Variants in ZNF804B observed in about 807,000 individuals in gnomAD.
ZNF804B encodes the protein zinc finger 804B.
Under a neutral mutation model 101.4 loss-of-function variants are expected in ZNF804B, and 80 were observed. The observed-to-expected ratio is 0.79, with a 90% CI of 0.66 to 0.95. The LOEUF (loss-of-function observed/expected upper bound fraction) is 0.95, where lower values mean the gene tolerates loss of function less well. ZNF804B is among the 40% of genes least tolerant of loss of function. The pLI is 0.00. For synonymous variants in ZNF804B, 622 were observed against 558.8 expected (o/e 1.11, Z -1.59); for missense variants, 1,673 against 1,561.9 (o/e 1.07, Z -1.20).
At chr7:89,129,311 T>C (rs1378411031) in intron 1 of ZNF804B, among the ~76,000 whole-genome samples, 2 of 152,054 alleles carry the variant, frequency 1.3e-5, no homozygotes, top group African/African-American at 4.8e-5. Flanking sequence ...GAATAATATA[T>C]CATCATATTT....
intron 1 of ZNF804B, among the ~76,000 whole-genome samples, chr7:89,187,861 T>C (rs1788396816): frequency 6.6e-6 from 1 of 152,122 alleles, no homozygotes; most frequent in African/African-American, 2.4e-5. Context: ...AACTTGTCAA[T>C]TAACCAAACC....
chr7:89,246,829 A>T lies in ZNF804B; in HGVS notation c.249+28534A>T, dbSNP rs1049596420. On this transcript the variant is annotated intron_variant, in intron 2 of 3. Transcript: ENST00000333190. ...CTTAGGCATATCTCCAGATATTAAA[A>T]GCATATACTTGAGCAGATTGGCAAC... is the stretch of plus-strand genomic sequence containing the variant. Among the ~76,000 whole-genome samples the T allele has an allele frequency of 3.3e-5, 5 of 152,090 alleles. No homozygotes were observed. In the East Asian group the frequency reaches 7.7e-4, roughly 24 times the overall value.
intron 1 of ZNF804B, among the ~76,000 whole-genome samples, chr7:89,052,372 G>T (rs558548036): frequency 6.6e-6 from 1 of 152,024 alleles, no homozygotes. Context: ...TAAATAACTA[G>T]TAAATTACAG....
chr7:88,797,085 T>C (rs1264045107), intron 1 of ZNF804B, among the ~76,000 whole-genome samples: 2 of 152,152 alleles, frequency 1.3e-5, no homozygotes, highest in Non-Finnish European at 2.9e-5. Flanking sequence ...TTATTAAACA[T>C]GTTTCCCTTT....
chr7:89,266,869 GTC>G (rs774848110), intron 2 of ZNF804B, among the ~76,000 whole-genome samples: 77 of 148,758 alleles, frequency 5.2e-4, no homozygotes, highest in South Asian at 1.9e-3. Context: ...ATGTTTGTGT[GTC>G]TGTGTTTGTG....
chr7:88,832,445 G>A (rs73705545), intron 1 of ZNF804B, among the ~76,000 whole-genome samples: 2,123 of 151,986 alleles, frequency 0.014, 50 homozygotes, highest in African/African-American at 0.048. Flanking sequence ...GATGCGCATG[G>A]CTTGTTCTTA....
At chr7:88,873,785 T>A (rs1791878750) in intron 1 of ZNF804B, among the ~76,000 whole-genome samples, 1 of 152,188 alleles carries the variant, frequency 6.6e-6, no homozygotes, top group Admixed American at 6.5e-5. Flanking sequence ...GTCATAGATA[T>A]GCGGCATTAT....
Position 89,257,207 on chromosome 7 carries a change from C to G in ZNF804B, c.249+38912C>G, listed in dbSNP as rs531746638. Among the ~76,000 whole-genome samples, 101 of 152,154 alleles carry G rather than the reference C, an allele frequency of 6.6e-4. 1 individual carries two copies. Among genetic ancestry groups the G allele is most frequent in the Middle Eastern group, 3.4e-3 (1 of 294 alleles). On this transcript the variant is annotated intron_variant, in intron 2 of 3. Transcript: ENST00000333190. ...TTCTCCTGTAGCTGGAGAAGTGTCC[C>G]TCAGTTTTGTAGTGACTAAATACTG...
intron 1 of ZNF804B, among the ~76,000 whole-genome samples, chr7:89,067,155 A>G (rs1042777041): frequency 6.6e-6 from 1 of 152,120 alleles, no homozygotes; most frequent in Admixed American, 6.6e-5. Flanking sequence ...ACCTACCTAT[A>G]AAGAAACATG....
intron 1 of ZNF804B, among the ~76,000 whole-genome samples, chr7:88,893,889 G>A (rs1381117960): frequency 2.0e-5 from 3 of 152,116 alleles, no homozygotes; most frequent in Non-Finnish European, 4.4e-5. Context: ...TTAACTTAAT[G>A]TGGAAAAAGG....
intron 1 of ZNF804B, among the ~76,000 whole-genome samples, chr7:88,762,212 T>C (rs767549742): frequency 1.3e-5 from 2 of 152,246 alleles, no homozygotes; most frequent in Non-Finnish European, 2.9e-5. Context: ...ATGTACTTTC[T>C]CAACACTATT....
intron 2 of ZNF804B, among the ~76,000 whole-genome samples, chr7:89,308,711 G>A (rs1790603703): frequency 6.6e-6 from 1 of 152,094 alleles, no homozygotes; most frequent in South Asian, 2.1e-4. Context: ...TCTACCCATT[G>A]TTGGCAAACA....
intron 1 of ZNF804B, among the ~76,000 whole-genome samples, chr7:89,085,617 T>G (rs943604075): frequency 7.9e-5 from 12 of 151,898 alleles, no homozygotes; most frequent in Non-Finnish European, 1.2e-4. Flanking sequence ...TCAAATGACC[T>G]CATTCCATAT....
chr7:89,106,873 A>G (rs940151960), intron 1 of ZNF804B, among the ~76,000 whole-genome samples: 2 of 152,142 alleles, frequency 1.3e-5, no homozygotes, highest in African/African-American at 2.4e-5. Flanking sequence ...ATATCTTTGA[A>G]TAAACTGAGG....
At chr7:89,152,049 A>G (rs1195477811) in intron 1 of ZNF804B, among the ~76,000 whole-genome samples, 1 of 152,176 alleles carries the variant, frequency 6.6e-6, no homozygotes, top group Non-Finnish European at 1.5e-5. Flanking sequence ...GAATAGAACT[A>G]GCAGAACTAT....
At chr7:89,285,866 C>T (rs1313888400) in intron 2 of ZNF804B, among the ~76,000 whole-genome samples, 2 of 152,158 alleles carry the variant, frequency 1.3e-5, no homozygotes, top group African/African-American at 2.4e-5. Flanking sequence ...CTGGACAAAG[C>T]CTCCACCTCT....
At position 89,052,658 on chromosome 7, in the gene ZNF804B, A is replaced by G. The variant is rs369885473; in HGVS notation, c.109-165497A>G. Among the ~76,000 whole-genome samples, 254 of 152,252 alleles carry G rather than the reference A, an allele frequency of 1.7e-3. 1 individual carries two copies. The South Asian group carries it at 0.034, about 20-fold the overall frequency. ...TCTGATTTTGTGTCCCTGGTTAATG[A>G]CAGGAAGCACAGAACTCAAACCTCG... On this transcript the variant is annotated intron_variant, in intron 1 of 3. Transcript: ENST00000333190.
At chr7:89,219,015 AG>A (rs1390384392) in intron 2 of ZNF804B, among the ~76,000 whole-genome samples, 1 of 152,134 alleles carries the variant, frequency 6.6e-6, no homozygotes, top group Admixed American at 6.6e-5. Flanking sequence ...ACCAGGACCC[AG>A]GAAAAATAAT....
intron 1 of ZNF804B, among the ~76,000 whole-genome samples, chr7:89,121,985 T>C (rs995536360): frequency 2.6e-5 from 4 of 151,938 alleles, no homozygotes; most frequent in Non-Finnish European, 5.9e-5. Flanking sequence ...AGTAAAAATG[T>C]GCTAATTTAA....
Sources: gnomAD v4.1 joint callset for allele counts (sites outside exome capture counted in the v4.1 genomes callset) on GRCh38, gnomAD v4.1.1 for gene constraint, MANE v1.5 for transcripts, NCBI Gene and HGNC (gene_info 2026-07-23, HGNC 2026-07-21) for gene names.